Variants in PDE4B observed in about 807,000 individuals in gnomAD.
PDE4B encodes the protein 3',5'-cyclic-AMP phosphodiesterase 4B.
Under a neutral mutation model 82.2 loss-of-function variants are expected in PDE4B, and 20 were observed. The observed-to-expected ratio is 0.24, with a 90% CI of 0.17 to 0.35. The LOEUF (loss-of-function observed/expected upper bound fraction) is 0.35. PDE4B is among the 10% of genes least tolerant of loss of function. The probability of loss-of-function intolerance (pLI) is 1.00; values close to 1 mark genes in which losing one functional copy is unlikely to be tolerated. For missense variants in PDE4B, 655 were observed against 907.2 expected, an observed-to-expected ratio of 0.72 and a Z score of 3.57; for synonymous variants, 320 against 318.9, an observed-to-expected ratio of 1.00 and a Z score of -0.04.
intron 3 of PDE4B, among the ~76,000 whole-genome samples, chr1:65,977,405 A>G (rs1650465278): frequency 6.6e-6 from 1 of 152,228 alleles, no homozygotes; most frequent in Non-Finnish European, 1.5e-5. Flanking sequence ...CAGAGAAAAA[A>G]GCATTGAGAG....
intron 3 of PDE4B, among the ~76,000 whole-genome samples, chr1:66,088,508 T>C (rs1032431006): frequency 6.6e-6 from 1 of 152,114 alleles, no homozygotes; most frequent in Non-Finnish European, 1.5e-5. Context: ...ATTACATAGA[T>C]GTCTCATTTA....
intron 3 of PDE4B, among the ~76,000 whole-genome samples, chr1:66,102,526 T>C (rs1645247857): frequency 6.6e-6 from 1 of 152,116 alleles, no homozygotes; most frequent in African/African-American, 2.4e-5. Context: ...TTAAGGCCTT[T>C]TAATCTTACA....
intron 3 of PDE4B, among the ~76,000 whole-genome samples, chr1:66,050,871 G>A (rs1287886647): frequency 2.0e-5 from 3 of 152,004 alleles, no homozygotes; most frequent in Admixed American, 1.3e-4. Context: ...TGAAAAATGA[G>A]GAAGGGAAAA....
intron 3 of PDE4B, among the ~76,000 whole-genome samples, chr1:66,062,258 C>T (rs1371290382): frequency 6.6e-6 from 1 of 152,074 alleles, no homozygotes; most frequent in Non-Finnish European, 1.5e-5. Flanking sequence ...GCAATTTTTC[C>T]TCTACAAATA....
At chr1:65,871,145 A>G (rs1210908178) in intron 1 of PDE4B, among the ~76,000 whole-genome samples, 3 of 152,296 alleles carry the variant, frequency 2.0e-5, no homozygotes, top group East Asian at 1.9e-4. Context: ...ATACTTGGCT[A>G]TTAGGGTGAG....
At chr1:66,203,727 G>A (rs954937218) in intron 3 of PDE4B, among the ~76,000 whole-genome samples, 42 of 148,630 alleles carry the variant, frequency 2.8e-4, no homozygotes, top group Non-Finnish European at 6.2e-4. Context: ...CTCTGCATTG[G>A]TTATTCTAGT....
At chr1:66,080,980 A>G (rs1375437658) in intron 3 of PDE4B, among the ~76,000 whole-genome samples, 2 of 151,992 alleles carry the variant, frequency 1.3e-5, no homozygotes, top group Non-Finnish European at 2.9e-5. Flanking sequence ...TTTAGCTCCC[A>G]CTTGTAAGTG....
At chr1:66,147,181 T>G (rs2101174532) in intron 3 of PDE4B, among the ~76,000 whole-genome samples, 1 of 152,376 alleles carries the variant, frequency 6.6e-6, no homozygotes, top group East Asian at 1.9e-4. Flanking sequence ...CATGAGACTG[T>G]GACCTTTGTC....
intron 1 of PDE4B, among the ~76,000 whole-genome samples, chr1:65,842,969 T>C (rs746000235): frequency 1.3e-5 from 2 of 152,000 alleles, no homozygotes; most frequent in African/African-American, 2.4e-5. Context: ...AGACAGAGGG[T>C]GTTACATATG....
intron 1 of PDE4B, among the ~76,000 whole-genome samples, chr1:65,900,459 C>T (rs182887520): frequency 2.0e-5 from 3 of 151,742 alleles, no homozygotes; most frequent in Admixed American, 1.3e-4. Context: ...TAATTTCACA[C>T]GAATTTTAGA....
At chr1:66,220,112 AG>A (rs34337746) in intron 3 of PDE4B, among the ~76,000 whole-genome samples, 24,347 of 152,146 alleles carry the variant, frequency 0.16, 2,184 homozygotes, top group Non-Finnish European at 0.2. Context: ...ACTAAGTAAA[AG>A]GAAAGAAGAG....
chr1:65,895,890 A>G (rs1335256774), intron 1 of PDE4B, among the ~76,000 whole-genome samples: 1 of 149,482 alleles, frequency 6.7e-6, no homozygotes, highest in Non-Finnish European at 1.5e-5. Context: ...AATGATAATA[A>G]TGACAGTTGT....
chr1:65,989,250 C>G (rs1651114900), intron 3 of PDE4B, among the ~76,000 whole-genome samples: 2 of 152,058 alleles, frequency 1.3e-5, no homozygotes, highest in South Asian at 2.1e-4. Flanking sequence ...CCTGTAATCT[C>G]AGTACTTTGG....
chr1:65,879,245 C>A (rs184366377), intron 1 of PDE4B, among the ~76,000 whole-genome samples: 2 of 152,182 alleles, frequency 1.3e-5, no homozygotes, highest in Admixed American at 6.5e-5. Context: ...AAGAGTGGGT[C>A]CCAGGGAAAA....
chr1:66,121,482 T>C lies in PDE4B; in HGVS notation c.282-125978T>C, dbSNP rs77601074. On this transcript the variant is annotated intron_variant, in intron 3 of 16. Coordinates refer to ENST00000341517, the MANE Select transcript of PDE4B (RefSeq NM_002600.4). ...GCATCAACATCAGGTGTAAGGAGTT[T>C]AGACAGCACTGAGTTATTAAGCTCC... is the stretch of plus-strand genomic sequence containing the variant. Among the ~76,000 whole-genome samples the C allele has an allele frequency of 3.5e-4, 53 of 152,302 alleles. No homozygotes were observed. The East Asian group carries it at 7.5e-3, about 22-fold the overall frequency.
intron 3 of PDE4B, among the ~76,000 whole-genome samples, chr1:66,003,349 TA>T (rs5774784): frequency 0.87 from 130,494 of 149,364 alleles, 57,525 homozygotes; most frequent in East Asian, 0.98. Flanking sequence ...TCAATACATT[TA>T]AAAAAAAAAA....
chr1:66,187,500 A>G (rs1163615761), intron 3 of PDE4B, among the ~76,000 whole-genome samples: 3 of 152,160 alleles, frequency 2.0e-5, no homozygotes, highest in African/African-American at 7.2e-5. Flanking sequence ...GATTATTGCC[A>G]CAATTTCAGA....
At chr1:65,970,685 G>C (rs1650082714) in intron 3 of PDE4B, among the ~76,000 whole-genome samples, 1 of 152,094 alleles carries the variant, frequency 6.6e-6, no homozygotes, top group African/African-American at 2.4e-5. Flanking sequence ...CCAACCTGGA[G>C]GCATCAGTGA....
intron 7 of PDE4B, among the ~76,000 whole-genome samples, chr1:66,289,273 G>T (rs951872230): frequency 1.8e-4 from 27 of 151,714 alleles, no homozygotes; most frequent in Middle Eastern, 3.2e-3. Flanking sequence ...TCTCAAGAAA[G>T]AAAAAAAGAA....
Sources: allele counts gnomAD v4.1 joint callset (sites outside exome capture counted in the v4.1 genomes callset), GRCh38; gene constraint gnomAD v4.1.1; transcripts MANE v1.5; gene names NCBI Gene and HGNC (gene_info 2026-07-23, HGNC 2026-07-21).